The following DIRAS2 variants were observed in gnomAD, a reference collection of about 807,000 sequenced individuals.
DIRAS2 encodes DIRAS family GTPase 2.
A neutral mutation model predicts 13.9 loss-of-function variants in DIRAS2; 5 were observed. The observed-to-expected ratio is 0.36, with a 90% CI of 0.19 to 0.76. DIRAS2 has a LOEUF of 0.76. Among genes scored for constraint, DIRAS2 ranks in the 30% least tolerant of loss-of-function variants. The probability of loss-of-function intolerance (pLI) is 0.53; values close to 1 mark genes in which losing one functional copy is unlikely to be tolerated. For synonymous variants in DIRAS2, 111 were observed against 105.4 expected (o/e 1.05, Z -0.33); for missense variants, 191 against 263.0 (o/e 0.73, Z 1.89).
intron 1 of DIRAS2, among the ~76,000 whole-genome samples, chr9:90,637,199 T>G (rs1018808135): frequency 6.6e-6 from 1 of 152,224 alleles, no homozygotes; most frequent in Non-Finnish European, 1.5e-5. Context: ...ACATCATACA[T>G]TGAAACATTG....
intron 1 of DIRAS2, among the ~76,000 whole-genome samples, chr9:90,630,574 T>C (rs1485721369): frequency 6.6e-6 from 1 of 152,252 alleles, no homozygotes; most frequent in Non-Finnish European, 1.5e-5. Flanking sequence ...TACATGGAGA[T>C]GTGCAGCAAC....
intron 1 of DIRAS2, among the ~76,000 whole-genome samples, chr9:90,622,088 T>C (rs1198841885): frequency 6.6e-6 from 1 of 151,896 alleles, no homozygotes; most frequent in Non-Finnish European, 1.5e-5. Flanking sequence ...ACCATATGTA[T>C]AAAAAATACA....
chr9:90,639,203 T>C (rs981998405), intron 1 of DIRAS2, among the ~76,000 whole-genome samples: 13 of 152,302 alleles, frequency 8.5e-5, no homozygotes, highest in Non-Finnish European at 1.8e-4. Context: ...GAGCACTCAC[T>C]GATCATGGAG....
rs1223303836 is a variant in DIRAS2 at position 90,612,088 on chromosome 9, A to G, written c.*1140T>C. 1 of 152,706 alleles carries G rather than the reference A, an allele frequency of 6.5e-6. No homozygotes were observed. Among genetic ancestry groups the G allele is most frequent in the Non-Finnish European group, 1.5e-5 (1 of 68,050 alleles). 9.5% of individuals were successfully genotyped at this position (152,706 alleles called of 1,614,324 possible). On this transcript the variant is annotated 3_prime_UTR_variant, in exon 2 of 2. Transcript: ENST00000375765. ...CTGTATTGAACAGCTCTTAGAAGAC[A>G]CGTATAATGGAACATGCAAGAGAAT...
At chr9:90,620,303 A>C (rs1469927896) in intron 1 of DIRAS2, among the ~76,000 whole-genome samples, 1 of 152,238 alleles carries the variant, frequency 6.6e-6, no homozygotes, top group Non-Finnish European at 1.5e-5. Flanking sequence ...CACAGACCCC[A>C]GTATGAGAAA....
chr9:90,635,779 A>G (rs1825364715), intron 1 of DIRAS2, among the ~76,000 whole-genome samples: 1 of 152,240 alleles, frequency 6.6e-6, no homozygotes, highest in South Asian at 2.1e-4. Context: ...AGGTAATGGA[A>G]GACAAGATAA....
At position 90,613,616 on chromosome 9, in the gene DIRAS2, A is replaced by C; in HGVS notation, c.212T>G (p.Met71Arg). Residue 71 changes from methionine to arginine, a missense_variant, in exon 2 of 2, where the codon ATG (methionine) becomes AGG (arginine). Met to Arg is a moderately conservative substitution (Grantham distance 91). Transcript: ENST00000375765. This position sits in a 1 kb window ranked among gnomAD's most constrained non-coding sequence, Gnocchi z 5.6. ...CCCTTTGGAGATGGACAGCCGCTGC[A>C]TGGCCGGGAACTGGTGGCTCCCCGT... ...DTTGSHQFPA[M>R]QRLSISKGHA... 1 of 1,614,172 alleles carries C rather than the reference A, an allele frequency of 6.2e-7. No homozygotes were observed. Among genetic ancestry groups the C allele is most frequent in the Non-Finnish European group, 8.5e-7 (1 of 1,180,042 alleles).
At chr9:90,639,534 T>C (rs570895852) in intron 1 of DIRAS2, among the ~76,000 whole-genome samples, 3 of 152,314 alleles carry the variant, frequency 2.0e-5, no homozygotes, top group African/African-American at 7.2e-5. Context: ...ACTTGCGGGC[T>C]AAGTTGCTGA....
At chr9:90,621,489 A>G (rs749308637) in intron 1 of DIRAS2, among the ~76,000 whole-genome samples, 2 of 152,328 alleles carry the variant, frequency 1.3e-5, no homozygotes, top group East Asian at 1.9e-4. Context: ...TCAACTCACA[A>G]AGAGAGCACA....
chr9:90,612,354 C>T lies in DIRAS2; in HGVS notation c.*874G>A, dbSNP rs962677715. 2.0e-5 allele frequency: 3 copies of T among 152,458 alleles called. No individual in the cohort carries two copies. The highest frequency in any genetic ancestry group is 4.4e-5 in the Non-Finnish European group (3 of 67,996). 9.4% of individuals were successfully genotyped at this position (152,458 alleles called of 1,614,324 possible). ...AGAAAACCACCTTGGAGGAAAAAAA[C>T]GTCTAAAAATAGTGAGTTTATTTGC... On this transcript the variant is annotated 3_prime_UTR_variant, in exon 2 of 2. Transcript: ENST00000375765.
At chr9:90,630,849 T>A (rs1304236095) in intron 1 of DIRAS2, among the ~76,000 whole-genome samples, 1 of 152,164 alleles carries the variant, frequency 6.6e-6, no homozygotes, top group Non-Finnish European at 1.5e-5. Context: ...AACCTAATCA[T>A]CCTATAGAGA....
chr9:90,623,152 C>T (rs73505453), intron 1 of DIRAS2, among the ~76,000 whole-genome samples: 12,676 of 152,188 alleles, frequency 0.083, 890 homozygotes, highest in African/African-American at 0.19. Context: ...TCTGAGCTCT[C>T]TGTGTCTCTG....
intron 1 of DIRAS2, among the ~76,000 whole-genome samples, chr9:90,614,342 G>GTC (rs1384138886): frequency 4.0e-5 from 6 of 151,786 alleles, no homozygotes; most frequent in Non-Finnish European, 7.4e-5. Context: ...GTGTGTGTGT[G>GTC]TGTGTGTGTG....
intron 1 of DIRAS2, among the ~76,000 whole-genome samples, chr9:90,631,276 G>A (rs537386328): frequency 4.4e-4 from 67 of 152,250 alleles, no homozygotes; most frequent in Non-Finnish European, 7.8e-4. Context: ...CAAGACACAT[G>A]GATAAATTCT....
chr9:90,634,553 C>T (rs183545310), intron 1 of DIRAS2, among the ~76,000 whole-genome samples: 40 of 152,200 alleles, frequency 2.6e-4, no homozygotes, highest in Admixed American at 2.1e-3. Context: ...AGAATATCAA[C>T]GAAGACATGT....
intron 1 of DIRAS2, among the ~76,000 whole-genome samples, chr9:90,632,489 C>T (rs1270242936): frequency 6.6e-6 from 1 of 152,218 alleles, no homozygotes; most frequent in Admixed American, 6.5e-5. Context: ...TCTCAATTTT[C>T]AACCCTATCT....
intron 1 of DIRAS2, chr9:90,625,759 A>C (rs1483650362): frequency 6.6e-6 from 1 of 152,218 alleles, no homozygotes; most frequent in Non-Finnish European, 1.5e-5. Flanking sequence ...ATGAGTCTTC[A>C]ACTTTGTACT....
Position 90,613,329 on chromosome 9 carries a change from T to A in DIRAS2, c.499A>T (p.Asn167Tyr). 6.2e-7 allele frequency: 1 copy of A among 1,614,056 alleles called. No individual in the cohort carries two copies. The highest frequency in any genetic ancestry group is 2.2e-5 in the East Asian group (1 of 44,848). The change falls in exon 2 of 2, where the codon AAC (asparagine) becomes TAC (tyrosine). Residue 167 changes from asparagine to tyrosine, a missense_variant. Asn to Tyr is a moderately radical substitution (Grantham distance 143, BLOSUM62 -2). Transcript: ENST00000375765. This position sits in a 1 kb window ranked among gnomAD's most constrained non-coding sequence, Gnocchi z 5.6. ...NVKELFQELL[N>Y]LEKRRTVSLQ... Reference sequence around the variant, plus strand: ...CTCACGGTCCTGCGCTTCTCCAGGTTGAGCAGCTCCTGGAAAAGCTCCTTC... The same window carrying A: ...CTCACGGTCCTGCGCTTCTCCAGGTAGAGCAGCTCCTGGAAAAGCTCCTTC...
At chr9:90,633,437 T>G (rs564533131) in intron 1 of DIRAS2, among the ~76,000 whole-genome samples, 1 of 152,290 alleles carries the variant, frequency 6.6e-6, no homozygotes, top group East Asian at 1.9e-4. Context: ...GAGGAATCAT[T>G]GGCTTAATTT....
Sources: gnomAD v4.1 joint callset for allele counts (sites outside exome capture counted in the v4.1 genomes callset) on GRCh38, gnomAD v4.1.1 for gene constraint, Gnocchi (gnomAD v3.1) non-coding constraint, MANE v1.5 for transcripts, NCBI Gene and HGNC (gene_info 2026-07-23, HGNC 2026-07-21) for gene names.